The following FOXP2 variants were observed in gnomAD, a reference collection of about 807,000 sequenced individuals.
FOXP2 encodes forkhead box protein P2.
In FOXP2, 12 loss-of-function variants were observed where a neutral mutation model predicts 115.8. The observed-to-expected ratio is 0.10, with a 90% CI of 0.07 to 0.17. FOXP2 has a LOEUF of 0.17. Among genes scored for constraint, FOXP2 ranks in the 10% least tolerant of loss-of-function variants. The probability of loss-of-function intolerance (pLI) is 1.00; values close to 1 mark genes in which losing one functional copy is unlikely to be tolerated. For synonymous variants in FOXP2, 328 were observed against 297.7 expected, an observed-to-expected ratio of 1.10 and a Z score of -1.05; for missense variants, 629 against 843.5, an observed-to-expected ratio of 0.75 and a Z score of 3.15.
chr7:114,472,926 A>G (rs1195334626), intron 2 of FOXP2, among the ~76,000 whole-genome samples: 2 of 152,166 alleles, frequency 1.3e-5, no homozygotes, highest in Non-Finnish European at 2.9e-5. Flanking sequence ...AACACTTGGT[A>G]GTAGAACAGA....
At chr7:114,162,612 A>C (rs907018806), upstream of FOXP2, among the ~76,000 whole-genome samples, 1 of 152,120 alleles carries the variant, frequency 6.6e-6, no homozygotes, top group African/African-American at 2.4e-5. Context: ...TTGCCAGTCC[A>C]TTCAAACTCA....
At chr7:114,288,421 A>G (rs1796515511) in intron 2 of FOXP2, among the ~76,000 whole-genome samples, 1 of 151,854 alleles carries the variant, frequency 6.6e-6, no homozygotes, top group African/African-American at 2.4e-5. Context: ...CAAGGAAAGC[A>G]CTTGGAGAAT....
At chr7:114,151,998 C>T (rs1031053816) in intron 1 of FOXP2, among the ~76,000 whole-genome samples, 8 of 152,014 alleles carry the variant, frequency 5.3e-5, no homozygotes, top group African/African-American at 1.4e-4. Context: ...AACTAGTGCA[C>T]GCGATTTCAT....
intron 2 of FOXP2, chr7:114,297,464 A>G: frequency 4.9e-6 from 2 of 405,768 alleles, no homozygotes; most frequent in East Asian, 5.6e-5. Flanking sequence ...TAGTGGAAGC[A>G]CTATATGCAT....
chr7:114,318,828 A>G (rs1797339125), intron 2 of FOXP2, among the ~76,000 whole-genome samples: 1 of 152,152 alleles, frequency 6.6e-6, no homozygotes, highest in African/African-American at 2.4e-5. Context: ...TATGTTTGAC[A>G]GAAGGCAGAA....
intron 2 of FOXP2, among the ~76,000 whole-genome samples, chr7:114,400,479 A>T (rs1385658824): frequency 6.6e-6 from 1 of 152,180 alleles, no homozygotes; most frequent in Non-Finnish European, 1.5e-5. Context: ...AAAGAAAAAC[A>T]TATTCAATGA....
At chr7:114,620,209 T>C (rs1383168673) in intron 3 of FOXP2, among the ~76,000 whole-genome samples, 3 of 152,012 alleles carry the variant, frequency 2.0e-5, no homozygotes, top group African/African-American at 7.2e-5. Flanking sequence ...AAGAACTTGA[T>C]ATATAACCTA....
At chr7:114,395,849 G>C (rs1038094091) in intron 2 of FOXP2, among the ~76,000 whole-genome samples, 1 of 151,592 alleles carries the variant, frequency 6.6e-6, no homozygotes, top group Non-Finnish European at 1.5e-5. Context: ...TGTGGGGGCA[G>C]GGGGGGTCAC....
intron 1 of FOXP2, among the ~76,000 whole-genome samples, chr7:114,280,821 A>G (rs1472544300): frequency 2.0e-5 from 3 of 152,102 alleles, no homozygotes; most frequent in Non-Finnish European, 4.4e-5. Context: ...AATAATTATT[A>G]TTTTCCCAGG....
chr7:114,120,943 A>G (rs1791546215), intron 1 of FOXP2, among the ~76,000 whole-genome samples: 1 of 152,012 alleles, frequency 6.6e-6, no homozygotes, highest in Admixed American at 6.6e-5. Flanking sequence ...GTCGGATGAC[A>G]GGGAGGGGGA....
chr7:114,358,616 A>G (rs887582757), intron 2 of FOXP2, among the ~76,000 whole-genome samples: 1 of 152,142 alleles, frequency 6.6e-6, no homozygotes, highest in Non-Finnish European at 1.5e-5. Context: ...TCAGATGGAG[A>G]TGAGGAACTT....
intron 1 of FOXP2, among the ~76,000 whole-genome samples, chr7:114,236,948 C>T (rs1418813121): frequency 6.6e-6 from 1 of 152,024 alleles, no homozygotes; most frequent in Non-Finnish European, 1.5e-5. Flanking sequence ...CTGACTCCAT[C>T]CTAGGTGATA....
chr7:114,585,948 TTGTG>T (rs1024090242), intron 3 of FOXP2, among the ~76,000 whole-genome samples: 2 of 152,168 alleles, frequency 1.3e-5, no homozygotes, highest in Admixed American at 1.3e-4. Flanking sequence ...GATTTTATGA[TTGTG>T]TGTTTTCATG....
At chr7:114,356,419 C>T (rs1011839458) in intron 2 of FOXP2, among the ~76,000 whole-genome samples, 3 of 152,086 alleles carry the variant, frequency 2.0e-5, no homozygotes, top group Non-Finnish European at 1.5e-5. Flanking sequence ...GGCAGGAAAG[C>T]GGTCTCTCCG....
chr7:114,354,286 TG>T (rs930635837), intron 2 of FOXP2, among the ~76,000 whole-genome samples: 18 of 152,252 alleles, frequency 1.2e-4, no homozygotes, highest in African/African-American at 4.1e-4. Context: ...CTAACTTTCC[TG>T]GTTCTTCAGC....
At chr7:114,404,671 GTTTAAC>G (rs924929870) in intron 2 of FOXP2, among the ~76,000 whole-genome samples, 51 of 152,126 alleles carry the variant, frequency 3.4e-4, no homozygotes, top group Non-Finnish European at 5.0e-4. Context: ...GTAGTTGCCT[GTTTAAC>G]TTTATATCTG....
chr7:114,413,763 G>T (rs915701982), upstream of FOXP2, among the ~76,000 whole-genome samples: 2 of 152,114 alleles, frequency 1.3e-5, no homozygotes, highest in African/African-American at 4.8e-5. Flanking sequence ...GTATTTAAAT[G>T]TGCAACAAAA....
At chr7:114,133,200 C>T (rs544929470) in intron 1 of FOXP2, among the ~76,000 whole-genome samples, 10 of 152,182 alleles carry the variant, frequency 6.6e-5, no homozygotes, top group African/African-American at 2.4e-4. Flanking sequence ...GTAAGGAGGA[C>T]TTAGGGGTTT....
intron 2 of FOXP2, among the ~76,000 whole-genome samples, chr7:114,445,261 T>C (rs916259438): frequency 6.6e-6 from 1 of 152,138 alleles, no homozygotes; most frequent in Non-Finnish European, 1.5e-5. Flanking sequence ...TTAGAACTAT[T>C]TGAAGAACTG....
Sources: allele counts gnomAD v4.1 joint callset (sites outside exome capture counted in the v4.1 genomes callset), GRCh38; gene constraint gnomAD v4.1.1; transcripts MANE v1.5; gene names NCBI Gene and HGNC (gene_info 2026-07-23, HGNC 2026-07-21).